Variants in IQCJ observed in about 807,000 individuals in gnomAD.
IQCJ encodes IQ motif containing J, also known as IQ domain-containing protein J.
In IQCJ, 9 loss-of-function variants were observed where a neutral mutation model predicts 11.0. That is an observed-to-expected ratio of 0.82 (90% CI 0.49 to 1.43). IQCJ has a LOEUF of 1.43. Ranked by LOEUF, IQCJ falls within the 40% of genes most tolerant of loss-of-function variation. IQCJ has a pLI of 0.00. For missense variants in IQCJ, 146 were observed against 133.2 expected (o/e 1.10, Z -0.47); for synonymous variants, 55 against 51.3 (o/e 1.07, Z -0.31).
chr3:159,250,716 A>T (rs1010545129), intron 2 of IQCJ, among the ~76,000 whole-genome samples: 1 of 152,166 alleles, frequency 6.6e-6, no homozygotes, highest in African/African-American at 2.4e-5. Flanking sequence ...CCATTATTCA[A>T]TTATTAGATT....
intron 2 of IQCJ, 96 bp downstream of exon 2, chr3:159,246,003 G>C: frequency 1.1e-6 from 1 of 922,130 alleles, no homozygotes; most frequent in Non-Finnish European, 1.6e-6. Flanking sequence ...AAATTGGACA[G>C]TTTCTTATGT....
intron 1 of IQCJ, among the ~76,000 whole-genome samples, chr3:159,101,061 T>G (rs1364441871): frequency 2.6e-5 from 2 of 76,176 alleles, no homozygotes; most frequent in Non-Finnish European, 5.3e-5. Flanking sequence ...GTGTGGGATA[T>G]AGTCTCGTGG....
At chr3:159,227,733 C>T (rs1312615891) in intron 1 of IQCJ, among the ~76,000 whole-genome samples, 1 of 152,204 alleles carries the variant, frequency 6.6e-6, no homozygotes, top group Non-Finnish European at 1.5e-5. Context: ...AAAGGAGAGC[C>T]TTTACCCAAA....
intron 1 of IQCJ, among the ~76,000 whole-genome samples, chr3:159,178,364 T>C (rs73877517): frequency 0.011 from 1,662 of 152,260 alleles, 26 homozygotes; most frequent in African/African-American, 0.038. Context: ...TAATCTTGGG[T>C]GAATGACTTG....
At chr3:159,184,582 C>T (rs1321244170) in intron 1 of IQCJ, among the ~76,000 whole-genome samples, 1 of 152,202 alleles carries the variant, frequency 6.6e-6, no homozygotes, top group Non-Finnish European at 1.5e-5. Context: ...GTCTAACACA[C>T]AGGAGACTTA....
intron 1 of IQCJ, among the ~76,000 whole-genome samples, chr3:159,087,236 A>C (rs968041639): frequency 1.5e-4 from 23 of 151,822 alleles, no homozygotes; most frequent in Non-Finnish European, 3.4e-4. Flanking sequence ...ATTTGCATAT[A>C]TTGAACCAGC....
At chr3:159,114,723 G>T (rs1336566378) in intron 1 of IQCJ, among the ~76,000 whole-genome samples, 2 of 152,156 alleles carry the variant, frequency 1.3e-5, no homozygotes, top group Non-Finnish European at 2.9e-5. Context: ...GCTCTGGAGT[G>T]CTCTGCGCAT....
rs1279800653 is a variant in IQCJ at position 159,190,643 on chromosome 3, G to A, written c.10-55200G>A. Among the ~76,000 whole-genome samples the A allele has an allele frequency of 2.0e-5, 3 of 152,220 alleles. No homozygotes were observed. In the East Asian group the frequency reaches 5.8e-4, roughly 29 times the overall value. On this transcript the variant is annotated intron_variant, in intron 1 of 3. Coordinates refer to ENST00000397832, the MANE Select transcript of IQCJ (RefSeq NM_001042706.3). ...TACTTGGATGAAGCTATAGCTGAAG[G>A]GAGGTCAATGGAGTCAGCATCCTGG...
At chr3:159,129,515 TC>T (rs1258692991) in intron 1 of IQCJ, among the ~76,000 whole-genome samples, 3 of 152,110 alleles carry the variant, frequency 2.0e-5, no homozygotes, top group Non-Finnish European at 4.4e-5. Flanking sequence ...TTGGTGAGCA[TC>T]TGTGGTGGTA....
intron 1 of IQCJ, among the ~76,000 whole-genome samples, chr3:159,130,012 A>G (rs1413973428): frequency 6.7e-6 from 1 of 149,406 alleles, no homozygotes; most frequent in African/African-American, 2.5e-5. Context: ...GAGCAACACC[A>G]CAGTCAAGGG....
chr3:159,129,971 A>G (rs985170134), intron 1 of IQCJ, among the ~76,000 whole-genome samples: 4 of 152,118 alleles, frequency 2.6e-5, no homozygotes, highest in Non-Finnish European at 1.5e-5. Context: ...ATTTGGCTCT[A>G]TGCAATTTTA....
At chr3:159,245,078 A>G (rs1361988014) in intron 1 of IQCJ, among the ~76,000 whole-genome samples, 1 of 152,154 alleles carries the variant, frequency 6.6e-6, no homozygotes, top group Non-Finnish European at 1.5e-5. Context: ...AAATGAGATT[A>G]CAGAGACTAC....
At chr3:159,202,509 C>T (rs1226148630) in intron 1 of IQCJ, among the ~76,000 whole-genome samples, 2 of 152,108 alleles carry the variant, frequency 1.3e-5, no homozygotes, top group African/African-American at 2.4e-5. Context: ...CTCTAGGTGC[C>T]CAAGTGGGTT....
At chr3:159,083,417 C>G (rs1716470284) in intron 1 of IQCJ, among the ~76,000 whole-genome samples, 1 of 152,026 alleles carries the variant, frequency 6.6e-6, no homozygotes, top group Non-Finnish European at 1.5e-5. Context: ...TGGGATATCA[C>G]TATGTATCAA....
intron 1 of IQCJ, among the ~76,000 whole-genome samples, chr3:159,095,027 C>G (rs1717629207): frequency 6.6e-6 from 1 of 151,850 alleles, no homozygotes; most frequent in South Asian, 2.1e-4. Flanking sequence ...ATCCAGCAAC[C>G]CAAGGATTAG....
intron 1 of IQCJ, among the ~76,000 whole-genome samples, chr3:159,228,928 C>A (rs1726022968): frequency 6.6e-6 from 1 of 152,130 alleles, no homozygotes; most frequent in Admixed American, 6.5e-5. Flanking sequence ...AAGACTTAAT[C>A]TTCTGCACAA....
At chr3:159,137,128 G>T (rs1720334911) in intron 1 of IQCJ, among the ~76,000 whole-genome samples, 1 of 152,036 alleles carries the variant, frequency 6.6e-6, no homozygotes, top group South Asian at 2.1e-4. Flanking sequence ...TGGATGCAGT[G>T]GTGGGCACCT....
intron 1 of IQCJ, among the ~76,000 whole-genome samples, chr3:159,202,260 C>G (rs1375407): frequency 0.64 from 96,575 of 152,042 alleles, 32,136 homozygotes; most frequent in African/African-American, 0.84. Context: ...ATTTTGAAAT[C>G]TTCCAAAACA....
intron 2 of IQCJ, among the ~76,000 whole-genome samples, chr3:159,248,468 A>G (rs918290713): frequency 6.6e-6 from 1 of 152,230 alleles, no homozygotes; most frequent in African/African-American, 2.4e-5. Flanking sequence ...AACAATAACT[A>G]AAGAGTTTTT....
Sources: allele counts gnomAD v4.1 joint callset (sites outside exome capture counted in the v4.1 genomes callset), GRCh38; gene constraint gnomAD v4.1.1; transcripts MANE v1.5; gene names NCBI Gene and HGNC (gene_info 2026-07-23, HGNC 2026-07-21).